The following ATRNL1 variants were observed in gnomAD, a reference collection of about 807,000 sequenced individuals.
The protein encoded by ATRNL1 is attractin like 1.
Under a neutral mutation model 182.7 loss-of-function variants are expected in ATRNL1, and 95 were observed. That is an observed-to-expected ratio of 0.52 (90% CI 0.44 to 0.62). The LOEUF (loss-of-function observed/expected upper bound fraction) is 0.62, where lower values mean the gene tolerates loss of function less well. Ranked by LOEUF, ATRNL1 falls within the 20% of genes least tolerant of loss-of-function variation. The probability of loss-of-function intolerance (pLI) is 0.00; values close to 1 mark genes in which losing one functional copy is unlikely to be tolerated. For missense variants in ATRNL1, 1,471 were observed against 1,679.5 expected, an observed-to-expected ratio of 0.88 and a Z score of 2.17; for synonymous variants, 576 against 568.3, an observed-to-expected ratio of 1.01 and a Z score of -0.19.
At chr10:115,546,347 G>T (rs1173600012) in intron 25 of ATRNL1, among the ~76,000 whole-genome samples, 2 of 151,948 alleles carry the variant, frequency 1.3e-5, no homozygotes, top group Non-Finnish European at 2.9e-5. Context: ...GGCAGATCAT[G>T]AGGTCAGGAG....
intron 19 of ATRNL1, among the ~76,000 whole-genome samples, chr10:115,371,489 T>C (rs1857392794): frequency 6.6e-6 from 1 of 152,220 alleles, no homozygotes; most frequent in Admixed American, 6.5e-5. Context: ...ATGTGAGACA[T>C]GGAGTCAAAG....
intron 27 of ATRNL1, among the ~76,000 whole-genome samples, chr10:115,785,884 C>T (rs1949384727): frequency 6.6e-6 from 1 of 152,162 alleles, no homozygotes; most frequent in Non-Finnish European, 1.5e-5. Flanking sequence ...ACATGTTTCA[C>T]CTTCCACACA....
chr10:115,525,377 C>T (rs782310569), intron 25 of ATRNL1, among the ~76,000 whole-genome samples: 34 of 152,278 alleles, frequency 2.2e-4, no homozygotes, highest in Middle Eastern at 6.8e-3. Flanking sequence ...TGACACCTGT[C>T]GTCTATTACA....
At chr10:115,315,279 G>T (rs1010979389) in intron 17 of ATRNL1, among the ~76,000 whole-genome samples, 3 of 151,996 alleles carry the variant, frequency 2.0e-5, no homozygotes, top group African/African-American at 7.3e-5. Flanking sequence ...TCCATGTCAT[G>T]GTTAACCACA....
chr10:115,170,954 G>A (rs1160450249), intron 7 of ATRNL1, 83 bp from the exon 8 acceptor site: 9 of 862,226 alleles, frequency 1.0e-5, no homozygotes, highest in East Asian at 6.3e-5. Context: ...AAAATTTTAT[G>A]TAAATTTAAC....
chr10:115,614,607 T>C (rs1857335768), intron 26 of ATRNL1, among the ~76,000 whole-genome samples: 1 of 152,154 alleles, frequency 6.6e-6, no homozygotes, highest in South Asian at 2.1e-4. Flanking sequence ...ATCTGTCCAA[T>C]GCTGAAAGTA....
At chr10:115,766,272 A>T (rs1948857267) in intron 27 of ATRNL1, among the ~76,000 whole-genome samples, 1 of 152,192 alleles carries the variant, frequency 6.6e-6, no homozygotes, top group Non-Finnish European at 1.5e-5. Context: ...CAAATTGATC[A>T]TTATAGAACA....
intron 26 of ATRNL1, among the ~76,000 whole-genome samples, chr10:115,565,493 C>T (rs1229828490): frequency 6.6e-6 from 1 of 151,978 alleles, no homozygotes; most frequent in Non-Finnish European, 1.5e-5. Flanking sequence ...TACATTTGTA[C>T]CATGTTATTG....
At chr10:115,392,717 T>C (rs927025369) in intron 19 of ATRNL1, among the ~76,000 whole-genome samples, 5 of 152,076 alleles carry the variant, frequency 3.3e-5, no homozygotes, top group Non-Finnish European at 5.9e-5. Flanking sequence ...CTCTTCTGAG[T>C]CTTGACCTTT....
At chr10:115,284,927 A>G (rs2133934994) in intron 14 of ATRNL1, among the ~76,000 whole-genome samples, 1 of 152,306 alleles carries the variant, frequency 6.6e-6, no homozygotes, top group East Asian at 1.9e-4. Flanking sequence ...GAGGACACCC[A>G]ATACCTACAT....
At chr10:115,696,019 C>T (rs1231263853) in intron 26 of ATRNL1, among the ~76,000 whole-genome samples, 5 of 152,058 alleles carry the variant, frequency 3.3e-5, no homozygotes, top group Admixed American at 6.6e-5. Context: ...CTGCCTCAGC[C>T]TCCTGAGTAG....
At chr10:115,913,344 C>G (rs1952743740) in intron 28 of ATRNL1, among the ~76,000 whole-genome samples, 1 of 152,128 alleles carries the variant, frequency 6.6e-6, no homozygotes, top group African/African-American at 2.4e-5. Context: ...CCAAAAATCA[C>G]CCAGACCCCT....
At position 115,110,615 on chromosome 10, in the gene ATRNL1, A is replaced by G. The variant is rs375507333; in HGVS notation, c.294-9570A>G. On this transcript the variant is annotated intron_variant, in intron 1 of 28. Transcript: ENST00000355044. ...TTCTGTCCTATAGAACTGTGAGATAATAAATGGATGTTCTTTTAAATTTCT... is the reference window on the plus strand; with the variant it reads ...TTCTGTCCTATAGAACTGTGAGATAGTAAATGGATGTTCTTTTAAATTTCT... 1.2e-4 allele frequency among the ~76,000 whole-genome samples: 19 copies of G among 152,352 alleles called. No homozygotes were observed. In the East Asian group the frequency reaches 3.7e-3, roughly 29 times the overall value.
chr10:115,390,575 G>T (rs1373616838), intron 19 of ATRNL1, among the ~76,000 whole-genome samples: 5 of 152,008 alleles, frequency 3.3e-5, no homozygotes, highest in African/African-American at 1.2e-4. Flanking sequence ...ATGCTGTTTT[G>T]TTTAATATAG....
At chr10:115,478,312 G>C (rs1554973533) in intron 24 of ATRNL1, among the ~76,000 whole-genome samples, 1 of 151,694 alleles carries the variant, frequency 6.6e-6, no homozygotes, top group Non-Finnish European at 1.5e-5. Context: ...CTGTTGAGCT[G>C]CCGTCTCATC....
chr10:115,458,488 A>T (rs781987115), intron 21 of ATRNL1, among the ~76,000 whole-genome samples: 49 of 152,002 alleles, frequency 3.2e-4, no homozygotes, highest in Non-Finnish European at 5.9e-5. Flanking sequence ...AGCCTGATTG[A>T]CATTAGGATT....
At chr10:115,505,641 A>G (rs1429876479) in intron 24 of ATRNL1, among the ~76,000 whole-genome samples, 1 of 152,032 alleles carries the variant, frequency 6.6e-6, no homozygotes, top group Non-Finnish European at 1.5e-5. Flanking sequence ...GAGAGAGAGT[A>G]GATGTAAATG....
chr10:115,566,089 T>C (rs1555001715), intron 26 of ATRNL1, among the ~76,000 whole-genome samples: 1 of 152,178 alleles, frequency 6.6e-6, no homozygotes, highest in African/African-American at 2.4e-5. Flanking sequence ...TATAGTTTTC[T>C]TTTTTTCATT....
intron 19 of ATRNL1, among the ~76,000 whole-genome samples, chr10:115,362,962 A>G (rs1214128663): frequency 1.3e-5 from 2 of 152,096 alleles, no homozygotes; most frequent in African/African-American, 2.4e-5. Flanking sequence ...GCTATTGTGA[A>G]TAGTGCTGCA....
Sources: allele counts gnomAD v4.1 joint callset (sites outside exome capture counted in the v4.1 genomes callset), GRCh38; gene constraint gnomAD v4.1.1; transcripts MANE v1.5; gene names NCBI Gene and HGNC (gene_info 2026-07-23, HGNC 2026-07-21).